Variants in PRELID2 observed in about 807,000 individuals in gnomAD.
PRELID2 encodes the protein PRELI domain containing 2.
In PRELID2, 25 loss-of-function variants were observed where a neutral mutation model predicts 28.4. The ratio of observed to expected loss-of-function variants is 0.88; its 90% confidence interval spans 0.64 to 1.23. The LOEUF is 1.23. Ranked by LOEUF, PRELID2 falls within the 50% of genes most tolerant of loss-of-function variation. The probability of loss-of-function intolerance (pLI) is 0.00; values close to 1 mark genes in which losing one functional copy is unlikely to be tolerated. For synonymous variants in PRELID2, 76 were observed against 71.6 expected (o/e 1.06, Z -0.31); for missense variants, 201 against 214.4 (o/e 0.94, Z 0.39).
chr5:145,716,893 G>A (rs930517356), intron 1 of PRELID2, among the ~76,000 whole-genome samples: 8 of 151,936 alleles, frequency 5.3e-5, no homozygotes, highest in African/African-American at 1.9e-4. Context: ...TTCTCTTCTG[G>A]ACAAGGCACT....
intron 1 of PRELID2, among the ~76,000 whole-genome samples, chr5:145,676,316 G>A (rs192774534): frequency 2.0e-5 from 3 of 151,996 alleles, no homozygotes; most frequent in Non-Finnish European, 2.9e-5. Flanking sequence ...AAGGCGGGCA[G>A]ATCACGAGGT....
At chr5:145,477,377 C>G (rs1220967908) in intron 1 of PRELID2, among the ~76,000 whole-genome samples, 1 of 152,178 alleles carries the variant, frequency 6.6e-6, no homozygotes, top group African/African-American at 2.4e-5. Flanking sequence ...ACATCCTATC[C>G]TATCCTATGA....
chr5:145,831,130 T>C (rs1755556392), intron 1 of PRELID2, among the ~76,000 whole-genome samples: 3 of 152,230 alleles, frequency 2.0e-5, no homozygotes. Flanking sequence ...CTTAGGCTTA[T>C]AAAAAAGCTT....
At chr5:145,570,350 T>C (rs1368501716) in intron 1 of PRELID2, among the ~76,000 whole-genome samples, 1 of 152,182 alleles carries the variant, frequency 6.6e-6, no homozygotes, top group Non-Finnish European at 1.5e-5. Context: ...CACATGAACA[T>C]ACTCCTATGG....
At chr5:145,426,916 C>G in the PRELID2 span, among the ~76,000 whole-genome samples, 1 of 152,198 alleles carries the variant, frequency 6.6e-6, no homozygotes, top group African/African-American at 2.4e-5. Flanking sequence ...TAGGATCCCA[C>G]GCATGGAGGC....
chr5:145,470,379 A>G (rs1424896022), downstream of PRELID2, among the ~76,000 whole-genome samples: 1 of 152,186 alleles, frequency 6.6e-6, no homozygotes, highest in African/African-American at 2.4e-5. Flanking sequence ...CATTGCACCC[A>G]TCGACAAATA....
At position 145,654,762 on chromosome 5, in the gene PRELID2, G is replaced by A. The variant is rs574889857; in HGVS notation, n.70+110169C>T. Among the ~76,000 whole-genome samples, 5 of 152,018 alleles carry A rather than the reference G, an allele frequency of 3.3e-5. 1 individual carries two copies. The highest frequency in any genetic ancestry group is 1.2e-4 in the African/African-American group (5 of 41,378). On this transcript the variant is annotated intron_variant and non_coding_transcript_variant, in intron 1 of 2. Transcript: ENST00000510259. ...TGGGATGTATCTCAAAATAATAAGA[G>A]CTATTTATGACAAACCCACAGCCAA...
the PRELID2 span, among the ~76,000 whole-genome samples, chr5:145,460,657 T>A: frequency 1.2e-3 from 185 of 152,300 alleles, no homozygotes; most frequent in African/African-American, 4.2e-3. Flanking sequence ...ACAAAAAATA[T>A]AAGGTAGGCA....
intron 5 of PRELID2, among the ~76,000 whole-genome samples, chr5:145,787,848 C>T (rs1290165252): frequency 6.6e-6 from 1 of 152,116 alleles, no homozygotes; most frequent in African/African-American, 2.4e-5. Context: ...GCTATCTTCA[C>T]TTTTTATGTA....
the PRELID2 span, among the ~76,000 whole-genome samples, chr5:145,245,066 T>C: frequency 6.6e-6 from 1 of 152,148 alleles, no homozygotes; most frequent in Non-Finnish European, 1.5e-5. Context: ...GACGTCACTA[T>C]AGCAAAAAGA....
intron 1 of PRELID2, among the ~76,000 whole-genome samples, chr5:145,625,414 T>C (rs7700452): frequency 0.017 from 2,610 of 152,202 alleles, 86 homozygotes; most frequent in African/African-American, 0.058. Flanking sequence ...GTGCACATCA[T>C]CATGAATAAA....
downstream of PRELID2, among the ~76,000 whole-genome samples, chr5:145,470,686 T>C (rs1019216513): frequency 6.6e-6 from 1 of 152,106 alleles, no homozygotes; most frequent in Non-Finnish European, 1.5e-5. Context: ...TAGCATGATA[T>C]GAATGACAGT....
At chr5:145,643,423 C>A (rs561177338) in intron 1 of PRELID2, among the ~76,000 whole-genome samples, 4 of 152,068 alleles carry the variant, frequency 2.6e-5, no homozygotes, top group Non-Finnish European at 5.9e-5. Context: ...CTGAGAAGAT[C>A]GGGTTTTCTA....
chr5:145,714,246 T>C (rs1581089637), intron 1 of PRELID2, among the ~76,000 whole-genome samples: 1 of 152,122 alleles, frequency 6.6e-6, no homozygotes, highest in East Asian at 1.9e-4. Context: ...ATCCACTCTG[T>C]TTATGTTAGA....
intron 1 of PRELID2, among the ~76,000 whole-genome samples, chr5:145,645,515 A>G (rs1754182915): frequency 6.6e-6 from 1 of 151,826 alleles, no homozygotes; most frequent in Non-Finnish European, 1.5e-5. Context: ...TTTTAATTGG[A>G]GCATTTAGCC....
the PRELID2 span, among the ~76,000 whole-genome samples, chr5:145,264,491 C>T: frequency 1.4e-3 from 211 of 152,152 alleles, no homozygotes; most frequent in Admixed American, 2.2e-3. Context: ...AAGCACAAAT[C>T]TTAACGTAAT....
the PRELID2 span, among the ~76,000 whole-genome samples, chr5:145,264,232 T>C: frequency 1.3e-5 from 2 of 152,050 alleles, no homozygotes; most frequent in Non-Finnish European, 2.9e-5. Context: ...CTGATAAACA[T>C]AGATGCAAAA....
chr5:145,464,626 A>G, the PRELID2 span, among the ~76,000 whole-genome samples: 1 of 152,172 alleles, frequency 6.6e-6, no homozygotes, highest in African/African-American at 2.4e-5. Flanking sequence ...CATCTCTTTA[A>G]GACAGAGATA....
intron 1 of PRELID2, among the ~76,000 whole-genome samples, chr5:145,548,512 G>A (rs1752806191): frequency 1.3e-5 from 2 of 151,882 alleles, no homozygotes; most frequent in South Asian, 4.2e-4. Flanking sequence ...CTTTCTCATT[G>A]CCCCCAGTTT....
Sources: allele counts gnomAD v4.1 joint callset (sites outside exome capture counted in the v4.1 genomes callset), GRCh38; gene constraint gnomAD v4.1.1; transcripts MANE v1.5; gene names NCBI Gene and HGNC (gene_info 2026-07-23, HGNC 2026-07-21).